The following ZNF343 variants were observed in gnomAD, a reference collection of about 807,000 sequenced individuals.
ZNF343 encodes the protein zinc finger protein 343.
A neutral mutation model predicts 13.8 loss-of-function variants in ZNF343; 11 were observed. The ratio of observed to expected loss-of-function variants is 0.80; its 90% CI spans 0.50 to 1.32. The LOEUF (loss-of-function observed/expected upper bound fraction) is 1.32, where lower values mean the gene tolerates loss of function less well. Ranked by LOEUF, ZNF343 falls within the 40% of genes most tolerant of loss-of-function variation. ZNF343 has a pLI of 0.00. For missense variants in ZNF343, 658 were observed against 714.2 expected (o/e 0.92, Z 0.90); for synonymous variants, 248 against 260.0 (o/e 0.95, Z 0.44).
rs1257321048 is a variant in ZNF343, at chr20:2,508,150, T to C, written c.-237+731A>G. On this transcript the variant is annotated intron_variant, in intron 1 of 5. Transcript: ENST00000278772. The surrounding 1 kb of genome is among the most constrained non-coding windows in gnomAD (Gnocchi z 4.5). ...AGAGCTGCCTAGATGCCTGTCAGAGTGATACAGCCCACCACTATCAGAGGA... is the reference window on the plus strand; with the variant it reads ...AGAGCTGCCTAGATGCCTGTCAGAGCGATACAGCCCACCACTATCAGAGGA... Among the ~76,000 whole-genome samples the C allele has an allele frequency of 6.6e-6, 1 of 151,660 alleles. No individual in the cohort carries two copies. Among genetic ancestry groups the C allele is most frequent in the African/African-American group, 2.4e-5 (1 of 41,212 alleles).
upstream of ZNF343, among the ~76,000 whole-genome samples, chr20:2,509,286 A>T (rs1038244018): frequency 6.6e-6 from 1 of 152,160 alleles, no homozygotes; most frequent in Non-Finnish European, 1.5e-5. Context: ...GACCACCTGA[A>T]TTCCCTGGGC....
At chr20:2,522,844 G>T (rs2122767072) in intron 1 of ZNF343, among the ~76,000 whole-genome samples, 1 of 152,264 alleles carries the variant, frequency 6.6e-6, no homozygotes, top group African/African-American at 2.4e-5. Context: ...CCAGCTACTT[G>T]GGAGGCTGAG....
chr20:2,483,194 C>T lies in ZNF343; in HGVS notation c.1767G>A (p.Lys589=). 1 of 1,611,924 alleles carries T rather than the reference C, an allele frequency of 6.2e-7. No individual in the cohort carries two copies. Among genetic ancestry groups the T allele is most frequent in the Non-Finnish European group, 8.5e-7 (1 of 1,178,864 alleles). ...CRECGRGFSH[K]SNLIRHQRTH ...TCCTCTGGTGTCTGATGAGATTTGA[C>T]TTATGACTAAAGCCTCGCCCACACT... The change falls in exon 6 of 6, where the codon AAG becomes AAA. Residue 589 remains lysine (K), a synonymous_variant. Coordinates refer to ENST00000278772, the MANE Select transcript of ZNF343 (RefSeq NM_024325.6).
Position 2,484,643 on chromosome 20 carries a change from T to C in ZNF343, c.318A>G (p.Pro106=). ...GGCAGGAGGAACAAGTGTAGATTTCTGGCTTTGGTTCTGCTGAAGAATGAA... is the reference window on the plus strand; with the variant it reads ...GGCAGGAGGAACAAGTGTAGATTTCCGGCTTTGGTTCTGCTGAAGAATGAA... The part of the protein sequence containing the change: ...RNLLSLAEPK[P]EIYTCSSCLL... The change falls in exon 6 of 6, where the codon CCA becomes CCG. Residue 106 remains proline, a synonymous_variant. Transcript: ENST00000278772. 6.3e-7 allele frequency: 1 copy of C among 1,593,236 alleles called. No homozygotes were observed. The highest frequency in any genetic ancestry group is 8.6e-7 in the Non-Finnish European group (1 of 1,169,508).
At chr20:2,524,970 C>A (rs2122770534), upstream of ZNF343, among the ~76,000 whole-genome samples, 1 of 152,332 alleles carries the variant, frequency 6.6e-6, no homozygotes, top group African/African-American at 2.4e-5. Context: ...TCTCCGGAGT[C>A]GAATGGAATC....
rs1359506118 is a variant in ZNF343, at chr20:2,483,813, C to A, written c.1148G>T (p.Cys383Phe). The change falls in exon 6 of 6, where the codon TGC (cysteine) becomes TTC (phenylalanine). Residue 383 changes from cysteine (C) to phenylalanine (F), a missense_variant. Physicochemically the swap from Cys to Phe is radical, Grantham distance 205. Transcript: ENST00000278772. Reference protein sequence around the residue: ...RTHSGEKPYVCLECGRSFCDK... With the variant: ...RTHSGEKPYVFLECGRSFCDK... The stretch of plus-strand genomic sequence containing the variant: ...ACAAAAGCTTCGTCCACACTCCAGG[C>A]ACACATAGGGTTTCTCACCGGAGTG... 2 of 1,613,888 alleles carry A rather than the reference C, an allele frequency of 1.2e-6. No individual in the cohort carries two copies. The highest frequency in any genetic ancestry group is 1.7e-6 in the Non-Finnish European group (2 of 1,179,964).
chr20:2,493,627 C>T (rs1298652549), intron 3 of ZNF343, 50 bp from the exon 4 acceptor site: 1 of 950,308 alleles, frequency 1.1e-6, no homozygotes, highest in South Asian at 1.3e-5. Context: ...CCACCCCCCA[C>T]CCCCCACCAT....
chr20:2,504,629 A>T (rs2085624728), intron 1 of ZNF343, among the ~76,000 whole-genome samples: 1 of 152,238 alleles, frequency 6.6e-6, no homozygotes, highest in Admixed American at 6.5e-5. Context: ...CATCCCTGGG[A>T]TGCAAGGCTG....
At position 2,484,341 on chromosome 20, in the gene ZNF343, C is replaced by T. The variant is rs1406350524; in HGVS notation, c.620G>A (p.Gly207Asp). The change falls in exon 6 of 6, where the codon GGC (glycine) becomes GAC (aspartate). Residue 207 changes from glycine to aspartate, a missense_variant. Physicochemically the swap from Gly to Asp is moderately conservative, Grantham distance 94. Coordinates refer to ENST00000278772, the MANE Select transcript of ZNF343 (RefSeq NM_024325.6). ...GGGCTCTGTTTCTACCACCATGTTG[C>T]CTTTTCTAGGACTTGCTGACTGTCT... ...LQRQSASPRK[G>D]NMVVETEPSS... The T allele has an allele frequency of 6.2e-7, 1 of 1,614,214 alleles. No individual in the cohort carries two copies.
At chr20:2,515,183 G>T (rs1415680024) in intron 1 of ZNF343, among the ~76,000 whole-genome samples, 1 of 152,156 alleles carries the variant, frequency 6.6e-6, no homozygotes, top group Non-Finnish European at 1.5e-5. Flanking sequence ...CTGCTGATTA[G>T]AATACATTGA....
chr20:2,524,966 G>A (rs896452523), upstream of ZNF343, among the ~76,000 whole-genome samples: 1 of 152,208 alleles, frequency 6.6e-6, no homozygotes, highest in Non-Finnish European at 1.5e-5. Flanking sequence ...CCCCTCTCCG[G>A]AGTCGAATGG....
At chr20:2,492,379 A>T (rs1311590815) in intron 5 of ZNF343, among the ~76,000 whole-genome samples, 1 of 152,058 alleles carries the variant, frequency 6.6e-6, no homozygotes, top group Non-Finnish European at 1.5e-5. Context: ...TTACTTCTTC[A>T]CTGATTTCAA....
Position 2,483,972 on chromosome 20 carries a change from C to A in ZNF343, c.989G>T (p.Cys330Phe). Residue 330 changes from cysteine (C) to phenylalanine (F), a missense_variant, in exon 6 of 6, where the codon TGT (cysteine) becomes TTT (phenylalanine). Cys to Phe is a radical substitution (Grantham distance 205). Transcript: ENST00000278772. ...GGACTTACTTCTAAAGCTTTGCCCA[C>A]ACTCCCTGCACAAATAAGGCTTCTC... ...SEEKPYLCRECGQSFRSKSIL... is the reference protein window; with the variant it reads ...SEEKPYLCREFGQSFRSKSIL... The A allele has an allele frequency of 6.2e-7, 1 of 1,614,212 alleles. No individual in the cohort carries two copies. The highest frequency in any genetic ancestry group is 1.3e-5 in the African/African-American group (1 of 75,050).
At chr20:2,495,209 T>C (rs1232826154) in intron 2 of ZNF343, among the ~76,000 whole-genome samples, 1 of 152,222 alleles carries the variant, frequency 6.6e-6, no homozygotes, top group Non-Finnish European at 1.5e-5. Flanking sequence ...CATATTGCAA[T>C]TTCTCTATTT....
In ZNF343 at chr20:2,500,721, G is replaced by C. The variant is rs2085547714; in HGVS notation, c.-215C>G. ...TCAAGAGATCGTCCTCTCCCAGCAG[G>C]CAGGGATTGGAGAAGGTGGACCTGA... On this transcript the variant is annotated 5_prime_UTR_variant, in exon 2 of 6. Transcript: ENST00000278772. 6.6e-6 allele frequency: 1 copy of C among 152,216 alleles called. No homozygotes were observed. The highest frequency in any genetic ancestry group is 2.4e-5 in the African/African-American group (1 of 41,438). 9.4% of individuals were successfully genotyped at this position (152,216 alleles called of 1,614,324 possible). A position where few individuals can be genotyped will look rare whatever the true frequency, so the allele number is the denominator to read the frequency against.
chr20:2,483,263 G>A lies in ZNF343; in HGVS notation c.1698C>T (p.Val566=), dbSNP rs2085200103. ...TCTCCCCTGAGTGTGTCCTCTGGTGGACAAGGAGGAGTGATTTCCGGCTAA... is the reference window on the plus strand; with the variant it reads ...TCTCCCCTGAGTGTGTCCTCTGGTGAACAAGGAGGAGTGATTTCCGGCTAA... ...RGFSRKSLLL[V]HQRTHSGEKH... is the part of the protein sequence containing the mutation. Residue 566 remains valine, a synonymous_variant, in exon 6 of 6, where the codon GTC becomes GTT. Transcript: ENST00000278772. 6.3e-7 allele frequency: 1 copy of A among 1,581,272 alleles called. No individual in the cohort carries two copies. The highest frequency in any genetic ancestry group is 1.8e-5 in the Admixed American group (1 of 56,296).
At position 2,518,198 on chromosome 20, in the gene ZNF343, G is replaced by A. The variant is rs899718240; in HGVS notation, c.-347+6257C>T. On this transcript the variant is annotated intron_variant, in intron 1 of 6. Coordinates refer to the ZNF343 transcript ENST00000358413. The surrounding 1 kb of genome is among the most constrained non-coding windows in gnomAD (Gnocchi z 4.6). ...CTGGCTACCTTTTTGTATTTTTTTAGTAGAGACGTAGTTTCGCCATGTTGA... is the reference window on the plus strand; with the variant it reads ...CTGGCTACCTTTTTGTATTTTTTTAATAGAGACGTAGTTTCGCCATGTTGA... Among the ~76,000 whole-genome samples the A allele has an allele frequency of 2.6e-5, 4 of 151,960 alleles. No homozygotes were observed. Among genetic ancestry groups the A allele is most frequent in the Admixed American group, 2.0e-4 (3 of 15,258 alleles).
At chr20:2,497,020 C>T (rs570932880) in intron 2 of ZNF343, among the ~76,000 whole-genome samples, 12 of 152,088 alleles carry the variant, frequency 7.9e-5, no homozygotes, top group South Asian at 6.2e-4. Context: ...ACAGAGGTTG[C>T]GGTGAGCCGA....
chr20:2,524,964 C>T (rs577328048), upstream of ZNF343, among the ~76,000 whole-genome samples: 14 of 152,352 alleles, frequency 9.2e-5, no homozygotes, highest in South Asian at 1.2e-3. Flanking sequence ...TCCCCCTCTC[C>T]GGAGTCGAAT....
Sources: gnomAD v4.1 joint callset for allele counts (sites outside exome capture counted in the v4.1 genomes callset) on GRCh38, gnomAD v4.1.1 for gene constraint, Gnocchi (gnomAD v3.1) non-coding constraint, MANE v1.5 for transcripts, NCBI Gene and HGNC (gene_info 2026-07-23, HGNC 2026-07-21) for gene names.